The following VEPH1 variants were observed in gnomAD, a reference collection of about 807,000 sequenced individuals.
VEPH1 encodes ventricular zone expressed PH domain containing 1.
VEPH1 carries 80 observed loss-of-function variants against 85.2 expected under a neutral mutation model. The ratio of observed to expected loss-of-function variants is 0.94; its 90% CI spans 0.78 to 1.13. The LOEUF (loss-of-function observed/expected upper bound fraction) is 1.13. Among genes scored for constraint, VEPH1 ranks in the 50% most tolerant of loss-of-function variants. The pLI is 0.00. For missense variants in VEPH1, 955 were observed against 980.5 expected, an observed-to-expected ratio of 0.97 and a Z score of 0.35; for synonymous variants, 297 against 348.0, an observed-to-expected ratio of 0.85 and a Z score of 1.63.
chr3:157,312,659 T>A (rs1339300014), intron 11 of VEPH1, among the ~76,000 whole-genome samples: 3 of 152,218 alleles, frequency 2.0e-5, no homozygotes, highest in Non-Finnish European at 4.4e-5. Flanking sequence ...CTATTTTTCT[T>A]ATCAGGCTGT....
In VEPH1 at chr3:157,428,431, A is replaced by C; in HGVS notation, c.587T>G (p.Ile196Ser). 3 of 1,614,136 alleles carry C rather than the reference A, an allele frequency of 1.9e-6. No homozygotes were observed. Among genetic ancestry groups the C allele is most frequent in the Non-Finnish European group, 2.5e-6 (3 of 1,180,004 alleles). The change falls in exon 5 of 14, where the codon ATT (isoleucine) becomes AGT (serine). Residue 196 changes from isoleucine to serine, a missense_variant. Physicochemically the swap from Ile to Ser is moderately radical, Grantham distance 142 (BLOSUM62 -2). Coordinates refer to ENST00000362010, the MANE Select transcript of VEPH1 (RefSeq NM_001167912.2). ...PAVYEKQPQP[I>S]NRHLTELLAL... is the part of the protein sequence containing the mutation. ...CAGGAGTTCTGTCAGGTGTCTATTAATTGGCTGAGGCTGCTTTTCATACAC... is the reference window on the plus strand; with the variant it reads ...CAGGAGTTCTGTCAGGTGTCTATTACTTGGCTGAGGCTGCTTTTCATACAC...
Position 157,313,624 on chromosome 3 carries a change from C to T in VEPH1, c.2007G>A (p.Gln669=). ...GGCCAAGGAAAGGAATATTTACCTTCTGCTGTGGAAACGTGGACTCCATCA... is the reference window on the plus strand; with the variant it reads ...GGCCAAGGAAAGGAATATTTACCTTTTGCTGTGGAAACGTGGACTCCATCA... ...TAMMESTFPQ[Q]KDLDQVQLHL... is the part of the protein sequence containing the mutation. Residue 669 remains glutamine (Q), a synonymous_variant, in exon 11 of 14, where the codon CAG becomes CAA. Coordinates refer to ENST00000362010, the MANE Select transcript of VEPH1 (RefSeq NM_001167912.2). 1 of 1,614,046 alleles carries T rather than the reference C, an allele frequency of 6.2e-7. No homozygotes were observed. Among genetic ancestry groups the T allele is most frequent in the Non-Finnish European group, 8.5e-7 (1 of 1,179,956 alleles).
At chr3:157,407,221 T>C (rs1046352752) in intron 6 of VEPH1, among the ~76,000 whole-genome samples, 3 of 152,164 alleles carry the variant, frequency 2.0e-5, no homozygotes, top group South Asian at 2.1e-4. Flanking sequence ...TCAACCTAGT[T>C]TGGGTTTAAC....
intron 2 of VEPH1, among the ~76,000 whole-genome samples, chr3:157,488,348 A>G (rs1738850800): frequency 6.6e-6 from 1 of 152,030 alleles, no homozygotes; most frequent in Non-Finnish European, 1.5e-5. Context: ...AGTCATAATG[A>G]CCTTCATGTG....
chr3:157,286,946 C>T (rs1716861849), intron 11 of VEPH1, among the ~76,000 whole-genome samples: 1 of 152,164 alleles, frequency 6.6e-6, no homozygotes, highest in African/African-American at 2.4e-5. Context: ...TGAAATGGCC[C>T]AGAATTTTCT....
At chr3:157,444,545 G>A (rs185366971) in intron 4 of VEPH1, among the ~76,000 whole-genome samples, 2 of 152,256 alleles carry the variant, frequency 1.3e-5, no homozygotes, top group African/African-American at 4.8e-5. Context: ...ATAATTCAAG[G>A]CTCTAGGCAC....
chr3:157,304,021 T>TATATATATATATATATATATATA (rs1559939923), intron 11 of VEPH1, among the ~76,000 whole-genome samples: 4 of 83,980 alleles, frequency 4.8e-5, no homozygotes, highest in South Asian at 4.3e-4. Flanking sequence ...ATCTTATATT[T>TATATATATATATATATATATATA]TTTATATATA....
intron 11 of VEPH1, among the ~76,000 whole-genome samples, chr3:157,291,232 CATAATA>C (rs886883143): frequency 2.0e-5 from 3 of 152,258 alleles, no homozygotes; most frequent in South Asian, 2.1e-4. Context: ...AATATTTTCA[CATAATA>C]ATAAGTTTAT....
chr3:157,287,660 G>A (rs1297050604), intron 11 of VEPH1, among the ~76,000 whole-genome samples: 1 of 151,908 alleles, frequency 6.6e-6, no homozygotes, highest in East Asian at 1.9e-4. Flanking sequence ...CACCTCCTGG[G>A]TTCAAGTGAT....
chr3:157,491,614 G>A (rs574160228), intron 2 of VEPH1, among the ~76,000 whole-genome samples: 3 of 152,208 alleles, frequency 2.0e-5, no homozygotes, highest in Non-Finnish European at 4.4e-5. Context: ...TTTTGTGAGT[G>A]GCTTTGGGGG....
intron 9 of VEPH1, among the ~76,000 whole-genome samples, chr3:157,317,629 G>GAGAT (rs1334680334): frequency 6.6e-6 from 1 of 152,202 alleles, no homozygotes; most frequent in Non-Finnish European, 1.5e-5. Context: ...AGGGGCCTCA[G>GAGAT]AGATAGCTTC....
intron 11 of VEPH1, among the ~76,000 whole-genome samples, chr3:157,302,011 C>T (rs1718864943): frequency 6.6e-6 from 1 of 152,132 alleles, no homozygotes; most frequent in African/African-American, 2.4e-5. Context: ...CATTCACTTG[C>T]CCCTCCCCAG....
chr3:157,288,365 G>C (rs535758053), intron 11 of VEPH1, among the ~76,000 whole-genome samples: 1 of 152,206 alleles, frequency 6.6e-6, no homozygotes, highest in South Asian at 2.1e-4. Context: ...TGTTTGCACT[G>C]CTTATAAGGG....
chr3:157,381,403 T>G (rs1233006006), intron 6 of VEPH1, 27 bp from the exon 7 acceptor site: 2 of 1,608,624 alleles, frequency 1.2e-6, no homozygotes, highest in African/African-American at 2.7e-5. Flanking sequence ...AGAAAATAGG[T>G]TTATCTTTTA....
In VEPH1 at chr3:157,379,621, G is replaced by A. The variant is rs77664180; in HGVS notation, c.1127+1535C>T. 6.7e-3 allele frequency among the ~76,000 whole-genome samples: 1,014 copies of A among 152,196 alleles called. 13 individuals are homozygous for A. The highest frequency in any genetic ancestry group is 0.023 in the African/African-American group (948 of 41,500). On this transcript the variant is annotated intron_variant, in intron 7 of 13. Coordinates refer to ENST00000362010, the MANE Select transcript of VEPH1 (RefSeq NM_001167912.2). ...TGCTGAACATAAAGTAGACCCAAAT[G>A]ACTAAATGCTCACTACTCTATCAAG...
chr3:157,470,248 GA>G, intron 3 of VEPH1, 65 bp downstream of exon 3: 1 of 1,448,922 alleles, frequency 6.9e-7, no homozygotes, highest in African/African-American at 1.4e-5. Context: ...TTGGTTCACA[GA>G]CATCACAGGT....
At chr3:157,371,379 C>A (rs529013335) in intron 7 of VEPH1, among the ~76,000 whole-genome samples, 6 of 152,156 alleles carry the variant, frequency 3.9e-5, no homozygotes, top group African/African-American at 1.4e-4. Context: ...AATTCAGATG[C>A]CCAATCATTT....
At chr3:157,430,795 G>A (rs1048249455) in intron 4 of VEPH1, among the ~76,000 whole-genome samples, 2 of 152,150 alleles carry the variant, frequency 1.3e-5, no homozygotes, top group African/African-American at 4.8e-5. Context: ...TGAAGCAGTT[G>A]TATTCATTTT....
rs892210366 is a variant in VEPH1 at position 157,384,122 on chromosome 3, C to T, written c.907-2746G>A. Reference sequence around the variant, plus strand: ...GGCAGACAGACAATAAACAAAATATCTTTGTAAAATGTATAGTGTGTTAGA... The same window carrying T: ...GGCAGACAGACAATAAACAAAATATTTTTGTAAAATGTATAGTGTGTTAGA... On this transcript the variant is annotated intron_variant, in intron 6 of 13. Coordinates refer to ENST00000362010, the MANE Select transcript of VEPH1 (RefSeq NM_001167912.2). Among the ~76,000 whole-genome samples, 3 of 152,066 alleles carry T rather than the reference C, an allele frequency of 2.0e-5. No homozygotes were observed. The East Asian group carries it at 5.8e-4, about 29-fold the overall frequency.
Sources: allele counts gnomAD v4.1 joint callset (sites outside exome capture counted in the v4.1 genomes callset), GRCh38; gene constraint gnomAD v4.1.1; transcripts MANE v1.5; gene names NCBI Gene and HGNC (gene_info 2026-07-23, HGNC 2026-07-21).